Variants in TRERF1 observed in about 807,000 individuals in gnomAD.
TRERF1 encodes the protein transcriptional-regulating factor 1.
TRERF1 carries 27 observed loss-of-function variants against 122.9 expected under a neutral mutation model. The observed-to-expected ratio is 0.22, with a 90% confidence interval of 0.16 to 0.30. TRERF1 has a LOEUF of 0.30. TRERF1 is among the 10% of genes least tolerant of loss of function. The pLI is 1.00. For missense variants in TRERF1, 1,248 were observed against 1,560.3 expected (o/e 0.80, Z 3.37); for synonymous variants, 636 against 641.7 (o/e 0.99, Z 0.13).
intron 2 of TRERF1, among the ~76,000 whole-genome samples, chr6:42,433,454 A>G (rs1320906012): frequency 6.6e-6 from 1 of 152,138 alleles, no homozygotes; most frequent in Non-Finnish European, 1.5e-5. Flanking sequence ...CTAGCACATT[A>G]AGCAGAGCTT....
In TRERF1 at chr6:42,320,667, G is replaced by A. The variant is rs1357915773; in HGVS notation, c.-370-19918C>T. Reference sequence around the variant, plus strand: ...AAGGATTACAGGCGCCCGCCACAACGTCCGGCTAATTTTTGTATTTTTTAG... The same window carrying A: ...AAGGATTACAGGCGCCCGCCACAACATCCGGCTAATTTTTGTATTTTTTAG... On this transcript the variant is annotated intron_variant, in intron 3 of 17. Transcript: ENST00000372922. 5.3e-5 allele frequency among the ~76,000 whole-genome samples: 8 copies of A among 152,022 alleles called. No individual in the cohort carries two copies. The South Asian group carries it at 6.2e-4, about 12-fold the overall frequency.
intron 2 of TRERF1, among the ~76,000 whole-genome samples, chr6:42,440,641 A>C (rs898345812): frequency 1.3e-5 from 2 of 152,164 alleles, no homozygotes; most frequent in African/African-American, 2.4e-5. Context: ...AAAGATATCC[A>C]ATCTCTGACT....
chr6:42,239,836 T>C lies in TRERF1; in HGVS notation c.2859+3412A>G, dbSNP rs77392932. Among the ~76,000 whole-genome samples the C allele has an allele frequency of 1.7e-3, 256 of 152,186 alleles. 1 individual carries two copies. Among genetic ancestry groups the C allele is most frequent in the African/African-American group, 5.9e-3 (244 of 41,518 alleles). On this transcript the variant is annotated intron_variant, in intron 15 of 17. Coordinates refer to ENST00000372922, the Ensembl canonical transcript of TRERF1. ...CCCACAAAGGAGCTGTGAGCTGCCA[T>C]ATTGGCCTTTAATCAAGATTTTCTT...
intron 2 of TRERF1, among the ~76,000 whole-genome samples, chr6:42,415,978 A>G (rs1231614766): frequency 1.3e-5 from 2 of 152,020 alleles, no homozygotes; most frequent in Non-Finnish European, 2.9e-5. Context: ...TTTTCTCTTT[A>G]AGTCTTTTAT....
intron 3 of TRERF1, among the ~76,000 whole-genome samples, chr6:42,329,844 G>A (rs538779514): frequency 6.6e-6 from 1 of 152,010 alleles, no homozygotes; most frequent in African/African-American, 2.4e-5. Flanking sequence ...CAAAAAATTA[G>A]CCGGGCGTGG....
At chr6:42,347,713 C>T (rs1768578921) in intron 3 of TRERF1, among the ~76,000 whole-genome samples, 1 of 152,112 alleles carries the variant, frequency 6.6e-6, no homozygotes, top group African/African-American at 2.4e-5. Flanking sequence ...GCCCTGACCT[C>T]AAAGAGTGAA....
chr6:42,388,766 A>G (rs1777223431), intron 2 of TRERF1, among the ~76,000 whole-genome samples: 1 of 152,208 alleles, frequency 6.6e-6, no homozygotes, highest in African/African-American at 2.4e-5. Flanking sequence ...CTCATGCTCT[A>G]TGTGTTCCAT....
chr6:42,408,210 A>AATATATATATAT lies in TRERF1; in HGVS notation c.-454+42955_-454+42966dup, dbSNP rs34821629. 2.3e-3 allele frequency among the ~76,000 whole-genome samples: 245 copies of AATATATATATAT among 107,114 alleles called. 3 individuals carry two copies. Among genetic ancestry groups the AATATATATATAT allele is most frequent in the Non-Finnish European group, 3.5e-3 (189 of 54,170 alleles). The allele number at this position is 107,114 out of a possible 152,430, so 70.3% of individuals were successfully genotyped here. A position where few individuals can be genotyped will look rare whatever the true frequency, so the allele number is the denominator to read the frequency against. Reference sequence around the variant, plus strand: ...TTCCATTAACTTCGCTATATAAATAAATATATATATATATATATGTGTGTG... The same window carrying AATATATATATAT: ...TTCCATTAACTTCGCTATATAAATAAATATATATATATATATATATATATATATATGTGTGTG... On this transcript the variant is annotated intron_variant, in intron 2 of 17. Transcript: ENST00000372922.
intron 4 of TRERF1, among the ~76,000 whole-genome samples, chr6:42,294,212 C>T (rs1334748046): frequency 7.5e-6 from 1 of 134,032 alleles, no homozygotes; most frequent in Non-Finnish European, 1.5e-5. Flanking sequence ...GACGGAGTCT[C>T]GCTCTGTCTC....
chr6:42,309,409 A>G (rs891817858), intron 3 of TRERF1, among the ~76,000 whole-genome samples: 1 of 152,222 alleles, frequency 6.6e-6, no homozygotes, highest in African/African-American at 2.4e-5. Context: ...GTCTGACTCC[A>G]CAGACCATAT....
intron 14 of TRERF1, among the ~76,000 whole-genome samples, chr6:42,245,831 G>A (rs966695954): frequency 5.3e-5 from 8 of 152,260 alleles, no homozygotes; most frequent in Admixed American, 3.3e-4. Flanking sequence ...TGTACGGCCA[G>A]GCATGCCGGC....
At chr6:42,306,556 T>A (rs912850206) in intron 3 of TRERF1, among the ~76,000 whole-genome samples, 1 of 152,186 alleles carries the variant, frequency 6.6e-6, no homozygotes, top group Non-Finnish European at 1.5e-5. Flanking sequence ...CAGGCTACCA[T>A]CTGCTCCCCA....
chr6:42,331,499 C>T (rs910572636), intron 3 of TRERF1, among the ~76,000 whole-genome samples: 1 of 152,204 alleles, frequency 6.6e-6, no homozygotes, highest in African/African-American at 2.4e-5. Flanking sequence ...GATTAACTGA[C>T]TGGCAACTAG....
chr6:42,253,444 C>G (rs1294319020), intron 13 of TRERF1, among the ~76,000 whole-genome samples: 2 of 152,180 alleles, frequency 1.3e-5, no homozygotes, highest in Non-Finnish European at 1.5e-5. Context: ...CAATGAGCAG[C>G]AGATGATGCT....
At position 42,268,165 on chromosome 6, in the gene TRERF1, T is replaced by C; in HGVS notation, c.1426A>G (p.Met476Val). 1.4e-6 allele frequency: 2 copies of C among 1,450,360 alleles called. No homozygotes were observed. Among genetic ancestry groups the C allele is most frequent in the Non-Finnish European group, 1.8e-6 (2 of 1,099,746 alleles). 89.8% of individuals were successfully genotyped at this position (1,450,360 alleles called of 1,614,324 possible). The stretch of plus-strand genomic sequence containing the variant: ...CAATGGGAGAATACCTGGGGCCACA[T>C]GGCACTGGGAGACAGCTGCTGATGC... The change falls in exon 5 of 18, where the codon ATG (methionine) becomes GTG (valine). Residue 476 changes from methionine to valine, a missense_variant. By Grantham distance (21) the Met-to-Val change is conservative (BLOSUM62 1). Coordinates refer to ENST00000372922, the Ensembl canonical transcript of TRERF1. This position sits in a 1 kb window ranked among gnomAD's most constrained non-coding sequence, Gnocchi z 4.4.
intron 2 of TRERF1, among the ~76,000 whole-genome samples, chr6:42,437,452 T>A (rs2151739299): frequency 1.3e-5 from 2 of 152,306 alleles, no homozygotes; most frequent in Middle Eastern, 6.8e-3. Context: ...CACTTTTGCA[T>A]TTTTTTAAAT....
At chr6:42,247,628 T>G (rs1455977129) in intron 13 of TRERF1, among the ~76,000 whole-genome samples, 1 of 152,220 alleles carries the variant, frequency 6.6e-6, no homozygotes, top group Non-Finnish European at 1.5e-5. Flanking sequence ...TCTTCCTTAC[T>G]GGCTAAACCT....
At chr6:42,384,545 G>A (rs1776472107) in intron 2 of TRERF1, among the ~76,000 whole-genome samples, 1 of 152,130 alleles carries the variant, frequency 6.6e-6, no homozygotes, top group Admixed American at 6.5e-5. Flanking sequence ...GGGGCAGAAA[G>A]AATTATTTAA....
chr6:42,435,945 AC>A (rs995569335), intron 2 of TRERF1, among the ~76,000 whole-genome samples: 19 of 151,910 alleles, frequency 1.3e-4, no homozygotes, highest in African/African-American at 3.4e-4. Context: ...GCACCACTGC[AC>A]TCCAGCCCAG....
Sources: allele counts gnomAD v4.1 joint callset (sites outside exome capture counted in the v4.1 genomes callset), GRCh38; gene constraint gnomAD v4.1.1; non-coding constraint Gnocchi (gnomAD v3.1); transcripts MANE v1.5; gene names NCBI Gene and HGNC (gene_info 2026-07-23, HGNC 2026-07-21).